The following AP5B1 variants were observed in gnomAD, a reference collection of about 807,000 sequenced individuals.
AP5B1 encodes the protein adaptor related protein complex 5 subunit beta 1.
A neutral mutation model predicts 5.7 loss-of-function variants in AP5B1; 3 were observed. The observed-to-expected ratio is 0.53, with a 90% CI of 0.24 to 1.36. AP5B1 has a LOEUF of 1.36. Ranked by LOEUF, AP5B1 falls within the 40% of genes most tolerant of loss-of-function variation. The pLI is 0.17. For missense variants in AP5B1, 1,310 were observed against 1,143.2 expected (o/e 1.15, Z -2.10); for synonymous variants, 696 against 555.5 (o/e 1.25, Z -3.56).
In AP5B1 at chr11:65,777,216, C is replaced by T. The variant is rs1275649712; in HGVS notation, c.*640G>A. 1 of 152,388 alleles carries T rather than the reference C, an allele frequency of 6.6e-6. No homozygotes were observed. The highest frequency in any genetic ancestry group is 2.4e-5 in the African/African-American group (1 of 41,444). The allele number at this position is 152,388 out of a possible 1,614,324, so 9.4% of individuals were successfully genotyped here. ...ATCACTGAGTGGCCTTGGGCAAGGC[C>T]AGACCCTCTCTGGGAAGCAGAAAGG... On this transcript the variant is annotated 3_prime_UTR_variant, in exon 2 of 2. Transcript: ENST00000532090.
In AP5B1 at chr11:65,780,729, G is replaced by A; in HGVS notation, c.-138C>T. ...CAGATGCCGGCGGGACCCGCGCCCG[G>A]CTCCCACGGTGAGACCAGGGCTCTC... On this transcript the variant is annotated 5_prime_UTR_variant, in exon 1 of 2. Transcript: ENST00000532090. 2 of 950,330 alleles carry A rather than the reference G, an allele frequency of 2.1e-6. No homozygotes were observed. Among genetic ancestry groups the A allele is most frequent in the Non-Finnish European group, 1.4e-6 (1 of 726,950 alleles). 58.9% of individuals were successfully genotyped at this position (950,330 alleles called of 1,614,324 possible).
chr11:65,779,554 T>C lies in AP5B1; in HGVS notation c.939A>G (p.Val313=), dbSNP rs1031246882. 1.9e-5 allele frequency: 31 copies of C among 1,608,598 alleles called. No homozygotes were observed. Among genetic ancestry groups the C allele is most frequent in the Non-Finnish European group, 2.4e-5 (28 of 1,178,836 alleles). The change falls in exon 2 of 2, where the codon GTA becomes GTG. Residue 313 remains valine, a synonymous_variant. Transcript: ENST00000532090. The part of the protein sequence containing the change: ...QPPALFKPQL[V]RLLGTAQLTL... ...TCAGCTGTGCTGTGCCTAGCAGCCG[T>C]ACCAGCTGCGGCTTGAAGAGTGCCG... is the stretch of plus-strand genomic sequence containing the variant.
At position 65,780,594 on chromosome 11, in the gene AP5B1, T is replaced by C; in HGVS notation, c.-3A>G. 1 of 1,437,026 alleles carries C rather than the reference T, an allele frequency of 7.0e-7. No individual in the cohort carries two copies. Among genetic ancestry groups the C allele is most frequent in the Non-Finnish European group, 9.1e-7 (1 of 1,097,478 alleles). The allele number at this position is 1,437,026 out of a possible 1,614,324, so 89.0% of individuals were successfully genotyped here. A position where few individuals can be genotyped will look rare whatever the true frequency, so the allele number is the denominator to read the frequency against. ...GCGTCCCGGCTCAGGGGCCCCATGG[T>C]GAGGCGCGCGGGCCCCTGCGCAGGG... On this transcript the variant is annotated 5_prime_UTR_variant, in exon 1 of 2. Coordinates refer to ENST00000532090, the MANE Select transcript of AP5B1 (RefSeq NM_138368.5).
rs1309468303 is a variant in AP5B1, at chr11:65,780,181, C to T, written c.312G>A (p.Leu104=). The T allele has an allele frequency of 6.7e-7, 1 of 1,487,638 alleles. No homozygotes were observed. The highest frequency in any genetic ancestry group is 8.9e-7 in the Non-Finnish European group (1 of 1,122,856). 92.2% of individuals were successfully genotyped at this position (1,487,638 alleles called of 1,614,324 possible). A position where few individuals can be genotyped will look rare whatever the true frequency, so the allele number is the denominator to read the frequency against. Residue 104 remains leucine (L), a synonymous_variant, in exon 2 of 2, where the codon CTG becomes CTA. Coordinates refer to ENST00000532090, the MANE Select transcript of AP5B1 (RefSeq NM_138368.5). ...RPLLLAATTA[L]AAGGALGPTS... ...TGGGGCCCAGCGCGCCGCCCGCCGC[C>T]AGGGCAGTGGTGGCCGCCAGCAGCA...
rs1388081085 is a variant in AP5B1, at chr11:65,779,974, C to G, written c.519G>C (p.Arg173=). 1 of 1,579,014 alleles carries G rather than the reference C, an allele frequency of 6.3e-7. No homozygotes were observed. Among genetic ancestry groups the G allele is most frequent in the Admixed American group, 1.8e-5 (1 of 54,408 alleles). ...CAGGGCCTTCCTGCCCCAGCAGGCC[C>G]CGCAGCAACCCCAGGGAGCCCCCCA... ...GLLGGSLGLL[R]GLLGQEGPVQ... The change falls in exon 2 of 2, where the codon CGG becomes CGC. Residue 173 remains arginine, a synonymous_variant. Transcript: ENST00000532090.
Position 65,778,323 on chromosome 11 carries a change from GAGGGCGGGC to G in AP5B1, c.2161_2169del (p.Ala721_Pro723del). On this transcript the variant is annotated inframe_deletion, in exon 2 of 2. Transcript: ENST00000532090. ...CATCGGGGCTGCAGAGGCAGGAGCA[GAGGGCGGGC>G]AGGGCGGCCAGGACACAGGCAGGGC... is the stretch of plus-strand genomic sequence containing the variant. 6.2e-7 allele frequency: 1 copy of G among 1,612,614 alleles called. No homozygotes were observed. The highest frequency in any genetic ancestry group is 8.5e-7 in the Non-Finnish European group (1 of 1,179,776).
rs1367540677 is a variant in AP5B1, at chr11:65,780,720, C to G, written c.-129G>C. 3.0e-6 allele frequency: 3 copies of G among 1,012,338 alleles called. No homozygotes were observed. Among genetic ancestry groups the G allele is most frequent in the Non-Finnish European group, 3.8e-6 (3 of 783,266 alleles). 62.7% of individuals were successfully genotyped at this position (1,012,338 alleles called of 1,614,324 possible). ...GACGCCGCGCAGATGCCGGCGGGACCCGCGCCCGGCTCCCACGGTGAGACC... is the reference window on the plus strand; with the variant it reads ...GACGCCGCGCAGATGCCGGCGGGACGCGCGCCCGGCTCCCACGGTGAGACC... On this transcript the variant is annotated 5_prime_UTR_variant, in exon 1 of 2. Transcript: ENST00000532090.
chr11:65,779,322 G>A lies in AP5B1; in HGVS notation c.1171C>T (p.Leu391=), dbSNP rs541383551. Residue 391 remains leucine, a synonymous_variant, in exon 2 of 2, where the codon CTG becomes TTG. Transcript: ENST00000532090. ...CGGCATAGCTGGGGCCCTAGCAGCA[G>A]TGGGGCAGCCTCCTCACCTTCAGGG... The part of the protein sequence containing the change: ...LGPEGEEAAP[L]LLGPQLCRGL... 1.3e-6 allele frequency: 2 copies of A among 1,598,572 alleles called. No individual in the cohort carries two copies. Among genetic ancestry groups the A allele is most frequent in the East Asian group, 4.5e-5 (2 of 44,710 alleles).
chr11:65,779,891 G>T lies in AP5B1; in HGVS notation c.602C>A (p.Ser201Tyr), dbSNP rs1857825224. 1 of 1,594,618 alleles carries T rather than the reference G, an allele frequency of 6.3e-7. No homozygotes were observed. Among genetic ancestry groups the T allele is most frequent in the Non-Finnish European group, 8.5e-7 (1 of 1,170,460 alleles). Reference protein sequence around the residue: ...LALRNTLVLQSRVGAGLGGLL... With the variant: ...LALRNTLVLQYRVGAGLGGLL... ...TCCCCCCAGGCCAGCCCCAACCCGG[G>T]ACTGGAGCACCAAGGTGTTGCGCAA... Residue 201 changes from serine (S) to tyrosine (Y), a missense_variant, in exon 2 of 2, where the codon TCC (serine) becomes TAC (tyrosine). Ser to Tyr is a moderately radical substitution (Grantham distance 144). Coordinates refer to ENST00000532090, the MANE Select transcript of AP5B1 (RefSeq NM_138368.5).
chr11:65,780,249 A>C lies in AP5B1; in HGVS notation c.244T>G (p.Leu82Val), dbSNP rs1454880913. 8 of 1,514,276 alleles carry C rather than the reference A, an allele frequency of 5.3e-6. No homozygotes were observed. The highest frequency in any genetic ancestry group is 3.5e-6 in the Non-Finnish European group (4 of 1,135,642). 93.8% of individuals were successfully genotyped at this position (1,514,276 alleles called of 1,614,324 possible). A position where few individuals can be genotyped will look rare whatever the true frequency, so the allele number is the denominator to read the frequency against. ...GAGGGCCGCGGGGGTAGGAGGACCA[A>C]GGTGTCCAACAGGGAGGTGGCGGCC... ...EVAATSLLDT[L>V]VLLPPRPSAL... The change falls in exon 2 of 2, where the codon TTG becomes GTG. Residue 82 changes from leucine to valine, a missense_variant. Leu to Val is a conservative substitution (Grantham distance 32). Coordinates refer to ENST00000532090, the MANE Select transcript of AP5B1 (RefSeq NM_138368.5).
In AP5B1 at chr11:65,780,264, A is replaced by T; in HGVS notation, c.229T>A (p.Ser77Thr). The T allele has an allele frequency of 6.6e-7, 1 of 1,507,476 alleles. No individual in the cohort carries two copies. The highest frequency in any genetic ancestry group is 8.8e-7 in the Non-Finnish European group (1 of 1,133,126). 93.4% of individuals were successfully genotyped at this position (1,507,476 alleles called of 1,614,324 possible). Residue 77 changes from serine (S) to threonine (T), a missense_variant, in exon 2 of 2, where the codon TCC becomes ACC. By Grantham distance (58) the Ser-to-Thr change is moderately conservative. Coordinates refer to ENST00000532090, the MANE Select transcript of AP5B1 (RefSeq NM_138368.5). ...AGGAGGACCAAGGTGTCCAACAGGG[A>T]GGTGGCGGCCACTTCGGCCGCAGAG... ...DASAAEVAATSLLDTLVLLPP... is the reference protein window; with the variant it reads ...DASAAEVAATTLLDTLVLLPP...
At position 65,774,138 on chromosome 11, in the gene AP5B1, C is replaced by T. The variant is rs1253594706; in HGVS notation, c.*3718G>A. Among the ~76,000 whole-genome samples, 1 of 152,232 alleles carries T rather than the reference C, an allele frequency of 6.6e-6. No individual in the cohort carries two copies. Among genetic ancestry groups the T allele is most frequent in the Non-Finnish European group, 1.5e-5 (1 of 68,032 alleles). ...ACAAGTTGCATCTGACCTCCCAACC[C>T]ATCAGGGCCAGGAATTGTTTTAAGT... On this transcript the variant is annotated 3_prime_UTR_variant, in exon 2 of 2. Transcript: ENST00000532090.
In AP5B1 at chr11:65,777,836, C is replaced by T; in HGVS notation, c.*20G>A. ...CCCCCACAAGGGCCACAGTCCTGCC[C>T]CCACCTGGTCTCCCGGGGCTCAGAC... On this transcript the variant is annotated 3_prime_UTR_variant, in exon 2 of 2. Transcript: ENST00000532090. The T allele has an allele frequency of 4.0e-6, 6 of 1,501,892 alleles. No homozygotes were observed. The highest frequency in any genetic ancestry group is 5.3e-6 in the Non-Finnish European group (6 of 1,122,614). 93.0% of individuals were successfully genotyped at this position (1,501,892 alleles called of 1,614,324 possible). A position where few individuals can be genotyped will look rare whatever the true frequency, so the allele number is the denominator to read the frequency against.
rs746370788 is a variant in AP5B1, at chr11:65,777,922, C to G, written c.2571G>C (p.Arg857=). ...ALADGVPVAL[R]TDDWAVLPLA... is the part of the protein sequence containing the mutation. ...GGGGCAGCACGGCCCAGTCATCGGT[C>G]CGCAGGGCCACAGGCACTCCATCTG... Residue 857 remains arginine (R), a synonymous_variant, in exon 2 of 2, where the codon CGG becomes CGC. Transcript: ENST00000532090. 1 of 1,561,036 alleles carries G rather than the reference C, an allele frequency of 6.4e-7. No homozygotes were observed. The highest frequency in any genetic ancestry group is 8.7e-7 in the Non-Finnish European group (1 of 1,153,494).
In AP5B1 at chr11:65,777,048, A is replaced by C. The variant is rs1298217218; in HGVS notation, c.*808T>G. ...AGGATCACCTGAGCCTGAGAGGCAG[A>C]GTCTGCAATGATCCCTAATCACACC... On this transcript the variant is annotated 3_prime_UTR_variant, in exon 2 of 2. Transcript: ENST00000532090. 1 of 152,218 alleles carries C rather than the reference A, an allele frequency of 6.6e-6. No individual in the cohort carries two copies. Among genetic ancestry groups the C allele is most frequent in the Non-Finnish European group, 1.5e-5 (1 of 68,084 alleles). 9.4% of individuals were successfully genotyped at this position (152,218 alleles called of 1,614,324 possible). A position where few individuals can be genotyped will look rare whatever the true frequency, so the allele number is the denominator to read the frequency against.
Position 65,777,336 on chromosome 11 carries a change from C to T in AP5B1, c.*520G>A, listed in dbSNP as rs963281022. The T allele has an allele frequency of 6.5e-6, 1 of 154,852 alleles. No individual in the cohort carries two copies. Among genetic ancestry groups the T allele is most frequent in the Non-Finnish European group, 1.4e-5 (1 of 69,784 alleles). The allele number at this position is 154,852 out of a possible 1,614,324, so 9.6% of individuals were successfully genotyped here. A position where few individuals can be genotyped will look rare whatever the true frequency, so the allele number is the denominator to read the frequency against. ...GTAGCTCTACAGTGCCGGGTTCTGT[C>T]TGGAAGCCTTCTTGGGGCCTATGAC... On this transcript the variant is annotated 3_prime_UTR_variant, in exon 2 of 2. Coordinates refer to ENST00000532090, the MANE Select transcript of AP5B1 (RefSeq NM_138368.5).
At position 65,779,222 on chromosome 11, in the gene AP5B1, G is replaced by A. The variant is rs373220346; in HGVS notation, c.1271C>T (p.Ala424Val). ...ARLHLLCLLC[A>V]EEEEEEKGQL... ...GCCTTTCTCCTCTTCTTCCTCCTCGGCACAGAGCAGGCACAGTAAATGCAG... is the reference window on the plus strand; with the variant it reads ...GCCTTTCTCCTCTTCTTCCTCCTCGACACAGAGCAGGCACAGTAAATGCAG... The change falls in exon 2 of 2, where the codon GCC becomes GTC. Residue 424 changes from alanine (A) to valine (V), a missense_variant. Transcript: ENST00000532090. 119 of 1,602,002 alleles carry A rather than the reference G, an allele frequency of 7.4e-5. No individual in the cohort carries two copies. Among genetic ancestry groups the A allele is most frequent in the Non-Finnish European group, 9.6e-5 (113 of 1,174,022 alleles).
chr11:65,780,581 AG>A lies in AP5B1; in HGVS notation c.10del (p.Leu4Ter). 4.1e-6 allele frequency: 6 copies of A among 1,470,412 alleles called. No homozygotes were observed. Among genetic ancestry groups the A allele is most frequent in the Non-Finnish European group, 5.4e-6 (6 of 1,114,696 alleles). 91.1% of individuals were successfully genotyped at this position (1,470,412 alleles called of 1,614,324 possible). A position where few individuals can be genotyped will look rare whatever the true frequency, so the allele number is the denominator to read the frequency against. ...GCGCTGGGCCCAGGCGTCCCGGCTCAGGGGCCCCATGGTGAGGCGCGCGGGC... is the reference window on the plus strand; with the variant it reads ...GCGCTGGGCCCAGGCGTCCCGGCTCAGGGCCCCATGGTGAGGCGCGCGGGC... MGP[L>X]SRDAWAQRLG... On this transcript the variant is annotated frameshift_variant, in exon 1 of 2. Transcript: ENST00000532090. LOFTEE classifies it high-confidence loss of function.
Position 65,778,492 on chromosome 11 carries a change from G to C in AP5B1, c.2001C>G (p.Ser667Arg). The C allele has an allele frequency of 6.4e-7, 1 of 1,573,062 alleles. No homozygotes were observed. Among genetic ancestry groups the C allele is most frequent in the Non-Finnish European group, 8.6e-7 (1 of 1,164,374 alleles). Reference sequence around the variant, plus strand: ...GGCCCTTGACCCGATGGGACCCCAGGCTCAGCCGTACCAGGGCCGGTGCCT... The same window carrying C: ...GGCCCTTGACCCGATGGGACCCCAGCCTCAGCCGTACCAGGGCCGGTGCCT... ...VQEAPALVRL[S>R]LGSHRVKGPL... The change falls in exon 2 of 2, where the codon AGC (serine) becomes AGG (arginine). Residue 667 changes from serine to arginine, a missense_variant. Physicochemically the swap from Ser to Arg is moderately radical, Grantham distance 110 (BLOSUM62 -1). Transcript: ENST00000532090.
Sources: allele counts gnomAD v4.1 joint callset (sites outside exome capture counted in the v4.1 genomes callset), GRCh38; gene constraint gnomAD v4.1.1; transcripts MANE v1.5; gene names NCBI Gene and HGNC (gene_info 2026-07-23, HGNC 2026-07-21).